Variants in NELL2 observed in about 807,000 individuals in gnomAD.
NELL2 encodes protein kinase C-binding protein NELL2.
In NELL2, 41 loss-of-function variants were observed where a neutral mutation model predicts 109.6. The ratio of observed to expected loss-of-function variants is 0.37; its 90% confidence interval spans 0.29 to 0.49. The LOEUF is 0.49. NELL2 is among the 20% of genes least tolerant of loss of function. NELL2 has a pLI of 0.98. For synonymous variants in NELL2, 355 were observed against 344.7 expected, an observed-to-expected ratio of 1.03 and a Z score of -0.33; for missense variants, 900 against 1,008.3, an observed-to-expected ratio of 0.89 and a Z score of 1.45.
At chr12:44,839,718 C>T (rs1276690529) in intron 2 of NELL2, among the ~76,000 whole-genome samples, 3 of 152,082 alleles carry the variant, frequency 2.0e-5, no homozygotes, top group South Asian at 2.1e-4. Context: ...GCCGTCAAGG[C>T]GATGATCATA....
intron 9 of NELL2, among the ~76,000 whole-genome samples, chr12:44,747,714 A>G (rs1476230423): frequency 6.6e-6 from 1 of 152,100 alleles, no homozygotes; most frequent in Non-Finnish European, 1.5e-5. Context: ...CCCTATCAGT[A>G]ATGGATCAGT....
intron 2 of NELL2, among the ~76,000 whole-genome samples, chr12:44,853,418 C>A (rs952712458): frequency 3.3e-5 from 5 of 152,058 alleles, no homozygotes; most frequent in Non-Finnish European, 7.4e-5. Flanking sequence ...AGTCTGAATT[C>A]TTTAGAGTCA....
At chr12:44,824,157 T>C (rs1404564315) in intron 2 of NELL2, among the ~76,000 whole-genome samples, 2 of 152,250 alleles carry the variant, frequency 1.3e-5, no homozygotes, top group East Asian at 1.9e-4. Context: ...TAGGTGGACA[T>C]TGGACAATGG....
At chr12:44,540,780 C>CAAAAA (rs1565895508) in intron 15 of NELL2, among the ~76,000 whole-genome samples, 1 of 7,922 alleles carries the variant, frequency 1.3e-4, no homozygotes, top group African/African-American at 5.4e-4. Flanking sequence ...AGTCTGCAAG[C>CAAAAA]CAAAAAAAAA....
At chr12:44,600,121 C>G (rs1945153252) in intron 15 of NELL2, among the ~76,000 whole-genome samples, 1 of 144,666 alleles carries the variant, frequency 6.9e-6, no homozygotes, top group Admixed American at 6.9e-5. Flanking sequence ...GCCAGCACGC[C>G]CGGCTAATTT....
In NELL2 at chr12:44,814,406, T is replaced by G. The variant is rs1411414450; in HGVS notation, c.335+1580A>C. ...CTGCAAATGAACAATCTTGCTTTAT[T>G]ACATGTGACTCTTGTTGCCTGAAAG... On this transcript the variant is annotated intron_variant, in intron 3 of 19. Transcript: ENST00000429094. Among the ~76,000 whole-genome samples the G allele has an allele frequency of 2.0e-5, 3 of 152,324 alleles. No homozygotes were observed. The East Asian group carries it at 5.8e-4, about 29-fold the overall frequency.
At chr12:44,591,677 T>C (rs1944755746) in intron 15 of NELL2, among the ~76,000 whole-genome samples, 1 of 152,160 alleles carries the variant, frequency 6.6e-6, no homozygotes, top group Non-Finnish European at 1.5e-5. Context: ...ATAGGAGGAA[T>C]AAGTTCTAGC....
At chr12:44,718,242 C>A (rs1184201746) in intron 9 of NELL2, among the ~76,000 whole-genome samples, 1 of 152,062 alleles carries the variant, frequency 6.6e-6, no homozygotes, top group Non-Finnish European at 1.5e-5. Flanking sequence ...CAAGGCGAAC[C>A]CATGCAGGTA....
At chr12:44,592,088 G>T (rs970088966) in intron 15 of NELL2, among the ~76,000 whole-genome samples, 15 of 152,162 alleles carry the variant, frequency 9.9e-5, no homozygotes, top group African/African-American at 3.6e-4. Flanking sequence ...GCACACATCT[G>T]TGGCTAAGTT....
chr12:44,784,190 A>C (rs529265764), intron 3 of NELL2, among the ~76,000 whole-genome samples: 14 of 152,122 alleles, frequency 9.2e-5, no homozygotes, highest in Non-Finnish European at 1.9e-4. Context: ...ACTATAAATA[A>C]ACTACAGTTA....
At chr12:44,603,953 A>G (rs1306512627) in intron 15 of NELL2, among the ~76,000 whole-genome samples, 1 of 152,192 alleles carries the variant, frequency 6.6e-6, no homozygotes, top group Non-Finnish European at 1.5e-5. Context: ...TTCCTTTCTA[A>G]GCTATCAGGC....
intron 2 of NELL2, among the ~76,000 whole-genome samples, chr12:44,838,568 G>A (rs1301598847): frequency 1.3e-5 from 2 of 152,024 alleles, no homozygotes; most frequent in Non-Finnish European, 2.9e-5. Context: ...TCATGGTCAG[G>A]ACTAATATAT....
At chr12:44,613,482 A>G (rs945805116) in intron 13 of NELL2, among the ~76,000 whole-genome samples, 2 of 152,162 alleles carry the variant, frequency 1.3e-5, no homozygotes, top group Non-Finnish European at 2.9e-5. Flanking sequence ...CAGAGCTCTT[A>G]AAAATCCGAG....
intron 9 of NELL2, among the ~76,000 whole-genome samples, chr12:44,738,189 A>G (rs1385207004): frequency 2.0e-5 from 3 of 152,290 alleles, no homozygotes; most frequent in Admixed American, 1.3e-4. Context: ...ACTGAGAAGA[A>G]CTATATTATT....
chr12:44,760,586 T>C (rs1311104496), intron 9 of NELL2, among the ~76,000 whole-genome samples: 2 of 152,076 alleles, frequency 1.3e-5, no homozygotes, highest in Non-Finnish European at 1.5e-5. Context: ...TAAAACCTAC[T>C]CAAATACATG....
chr12:44,713,011 A>G (rs1176445162), intron 10 of NELL2, among the ~76,000 whole-genome samples: 1 of 151,934 alleles, frequency 6.6e-6, no homozygotes, highest in Admixed American at 6.6e-5. Context: ...TCTAAAATTT[A>G]TGAGCACCTG....
intron 15 of NELL2, among the ~76,000 whole-genome samples, chr12:44,558,951 A>T (rs2136178376): frequency 6.6e-6 from 1 of 152,334 alleles, no homozygotes; most frequent in Middle Eastern, 3.4e-3. Context: ...CCAGCACAGC[A>T]GTCTGAAGTC....
At chr12:44,745,103 C>T (rs866783352) in intron 9 of NELL2, among the ~76,000 whole-genome samples, 6 of 152,204 alleles carry the variant, frequency 3.9e-5, no homozygotes, top group African/African-American at 1.4e-4. Flanking sequence ...AGCTTATCCA[C>T]CATAATCGAG....
chr12:44,898,101 G>T (rs930747411), intron 1 of NELL2, among the ~76,000 whole-genome samples: 3 of 152,208 alleles, frequency 2.0e-5, no homozygotes, highest in Non-Finnish European at 4.4e-5. Flanking sequence ...AAAGTCAGCA[G>T]CTCTAGTCAG....
Sources: allele counts gnomAD v4.1 joint callset (sites outside exome capture counted in the v4.1 genomes callset), GRCh38; gene constraint gnomAD v4.1.1; transcripts MANE v1.5; gene names NCBI Gene and HGNC (gene_info 2026-07-23, HGNC 2026-07-21).